The following KCNMB2 variants were observed in gnomAD, a reference collection of about 807,000 sequenced individuals.
The protein encoded by KCNMB2 is potassium calcium-activated channel subfamily M regulatory beta subunit 2.
Under a neutral mutation model 24.5 loss-of-function variants are expected in KCNMB2, and 9 were observed. The observed-to-expected ratio is 0.37, with a 90% CI of 0.22 to 0.64. The LOEUF is 0.64. Among genes scored for constraint, KCNMB2 ranks in the 30% least tolerant of loss-of-function variants. The probability of loss-of-function intolerance (pLI) is 0.63; values close to 1 mark genes in which losing one functional copy is unlikely to be tolerated. For missense variants in KCNMB2, 226 were observed against 284.3 expected (o/e 0.79, Z 1.47); for synonymous variants, 109 against 104.4 (o/e 1.04, Z -0.27).
At chr3:178,601,454 G>A (rs1201064371) in intron 1 of KCNMB2, among the ~76,000 whole-genome samples, 1 of 152,144 alleles carries the variant, frequency 6.6e-6, no homozygotes, top group Non-Finnish European at 1.5e-5. Flanking sequence ...CCCCGTGAGG[G>A]GTTTTTCAGT....
At chr3:178,760,201 TATATCCAAGAGGATATATCTATATATAG>T (rs1711754764) in intron 1 of KCNMB2, among the ~76,000 whole-genome samples, 1 of 39,802 alleles carries the variant, frequency 2.5e-5, no homozygotes, top group Non-Finnish European at 4.4e-5. Flanking sequence ...TATATATATA[TATATCCAAGAGGATATATCTATATATAG>T]ATATATCCAA....
chr3:178,566,739 G>A (rs573876655), intron 1 of KCNMB2, among the ~76,000 whole-genome samples: 1 of 152,294 alleles, frequency 6.6e-6, no homozygotes, highest in South Asian at 2.1e-4. Flanking sequence ...CCATATGAAT[G>A]TTGCTCAAGT....
intron 1 of KCNMB2, among the ~76,000 whole-genome samples, chr3:178,705,301 A>C (rs1175490488): frequency 2.0e-5 from 3 of 152,062 alleles, no homozygotes; most frequent in African/African-American, 7.2e-5. Flanking sequence ...TTCCTATCCC[A>C]AGCAGCAAAG....
chr3:178,672,840 C>T (rs1720949685), intron 1 of KCNMB2, among the ~76,000 whole-genome samples: 1 of 152,162 alleles, frequency 6.6e-6, no homozygotes. Context: ...TATTGTCCAT[C>T]TTCCTATCTC....
At chr3:178,722,050 G>A (rs557493244) in intron 1 of KCNMB2, among the ~76,000 whole-genome samples, 96 of 152,174 alleles carry the variant, frequency 6.3e-4, no homozygotes, top group African/African-American at 2.3e-3. Context: ...AGAGCAAAAG[G>A]TTTCATTTTG....
intron 1 of KCNMB2, among the ~76,000 whole-genome samples, chr3:178,742,598 T>C (rs1365498294): frequency 6.6e-6 from 1 of 152,170 alleles, no homozygotes; most frequent in Non-Finnish European, 1.5e-5. Context: ...AGTCTGTCAC[T>C]GGTATAATTA....
chr3:178,816,324 C>A (rs183853757), intron 2 of KCNMB2, among the ~76,000 whole-genome samples: 1 of 151,782 alleles, frequency 6.6e-6, no homozygotes, highest in Non-Finnish European at 1.5e-5. Context: ...CAATCCATAC[C>A]TTATCTGTAG....
At chr3:178,837,573 T>C (rs1312369472) in intron 4 of KCNMB2, among the ~76,000 whole-genome samples, 1 of 152,208 alleles carries the variant, frequency 6.6e-6, no homozygotes, top group Non-Finnish European at 1.5e-5. Context: ...CTGGTTTATA[T>C]GTATGTTGAA....
chr3:178,778,462 A>ACGCACGCACGTGCGCGCGCGCGCGCG (rs1437410515), intron 1 of KCNMB2, among the ~76,000 whole-genome samples: 5,534 of 63,470 alleles, frequency 0.087, 216 homozygotes, highest in Non-Finnish European at 0.11. Context: ...TAAGACACAC[A>ACGCACGCACGTGCGCGCGCGCGCGCG]CACACACACA....
At chr3:178,699,957 C>T (rs1031829487) in intron 1 of KCNMB2, among the ~76,000 whole-genome samples, 1 of 152,176 alleles carries the variant, frequency 6.6e-6, no homozygotes, top group African/African-American at 2.4e-5. Context: ...CACCAGTTCC[C>T]CTGGAGCTGT....
At chr3:178,671,654 T>C (rs532960728) in intron 1 of KCNMB2, among the ~76,000 whole-genome samples, 11 of 152,270 alleles carry the variant, frequency 7.2e-5, no homozygotes, top group African/African-American at 2.6e-4. Flanking sequence ...AGAGAAAGGC[T>C]GCATTGCATT....
At chr3:178,693,630 T>C (rs1165327850) in intron 1 of KCNMB2, among the ~76,000 whole-genome samples, 1 of 152,216 alleles carries the variant, frequency 6.6e-6, no homozygotes, top group African/African-American at 2.4e-5. Context: ...GTTGTTGATA[T>C]GCTGATGGAT....
chr3:178,804,729 C>A (rs552813656), intron 1 of KCNMB2, among the ~76,000 whole-genome samples: 188 of 152,254 alleles, frequency 1.2e-3, no homozygotes, highest in African/African-American at 4.2e-3. Context: ...CTATTAAATG[C>A]TGCCTAATAG....
At chr3:178,672,330 A>G (rs932919653) in intron 1 of KCNMB2, among the ~76,000 whole-genome samples, 4 of 152,176 alleles carry the variant, frequency 2.6e-5, no homozygotes, top group Non-Finnish European at 5.9e-5. Flanking sequence ...AATGGCCATA[A>G]GTGTCTTTTC....
chr3:178,633,123 C>T (rs1458798823), intron 1 of KCNMB2, among the ~76,000 whole-genome samples: 1 of 152,210 alleles, frequency 6.6e-6, no homozygotes, highest in Non-Finnish European at 1.5e-5. Flanking sequence ...TACAGCCCCC[C>T]CGCCAGCTCC....
At chr3:178,553,299 G>A (rs1342605378) in intron 1 of KCNMB2, among the ~76,000 whole-genome samples, 2 of 152,156 alleles carry the variant, frequency 1.3e-5, no homozygotes, top group African/African-American at 2.4e-5. Flanking sequence ...ATCCTGGTTT[G>A]TGGCTAGTCT....
At position 178,828,437 on chromosome 3, in the gene KCNMB2, T is replaced by C. The variant is rs1714921942; in HGVS notation, c.423+64T>C. The C allele has an allele frequency of 4.0e-6, 5 of 1,239,888 alleles. No homozygotes were observed. The South Asian group carries it at 5.8e-5, about 14-fold the overall frequency. 76.8% of individuals were successfully genotyped at this position (1,239,888 alleles called of 1,614,324 possible). A position where few individuals can be genotyped will look rare whatever the true frequency, so the allele number is the denominator to read the frequency against. ...AGCTTCACACCAGGCTCTCTGCCTC[T>C]GAAGTTCCCCTTTGCCAGCATTTCA... On this transcript the variant is annotated intron_variant, in intron 4 of 4. Coordinates refer to ENST00000452583, the MANE Select transcript of KCNMB2 (RefSeq NM_181361.3).
chr3:178,777,329 G>C (rs928976628), intron 1 of KCNMB2, among the ~76,000 whole-genome samples: 1 of 152,108 alleles, frequency 6.6e-6, no homozygotes, highest in African/African-American at 2.4e-5. Flanking sequence ...AAGCTACTCA[G>C]AGGCTGAGGC....
At chr3:178,798,744 G>T (rs1713654706) in intron 1 of KCNMB2, among the ~76,000 whole-genome samples, 1 of 152,014 alleles carries the variant, frequency 6.6e-6, no homozygotes, top group African/African-American at 2.4e-5. Context: ...TTGGGGGAGG[G>T]AGAGCATTGG....
Sources: allele counts gnomAD v4.1 joint callset (sites outside exome capture counted in the v4.1 genomes callset), GRCh38; gene constraint gnomAD v4.1.1; transcripts MANE v1.5; gene names NCBI Gene and HGNC (gene_info 2026-07-23, HGNC 2026-07-21).